DPYD: variants seen among roughly 807,000 people sequenced by gnomAD.
The protein encoded by DPYD is dihydropyrimidine dehydrogenase.
DPYD carries 109 observed loss-of-function variants against 116.2 expected under a neutral mutation model. That is an observed-to-expected ratio of 0.94 (90% CI 0.80 to 1.10). The LOEUF is 1.10. DPYD is among the 50% of genes least tolerant of loss of function. The pLI is 0.00. For synonymous variants in DPYD, 440 were observed against 432.0 expected (o/e 1.02, Z -0.23); for missense variants, 1,302 against 1,254.5 (o/e 1.04, Z -0.57).
At chr1:97,132,866 A>G (rs1346261037) in intron 20 of DPYD, among the ~76,000 whole-genome samples, 3 of 152,120 alleles carry the variant, frequency 2.0e-5, no homozygotes, top group African/African-American at 7.2e-5. Context: ...GTTAATTCAA[A>G]TACTTTAAAG....
chr1:97,242,146 AT>A (rs1662401628), intron 18 of DPYD, among the ~76,000 whole-genome samples: 1 of 130,848 alleles, frequency 7.6e-6, no homozygotes, highest in Non-Finnish European at 1.7e-5. Flanking sequence ...ATATATATAT[AT>A]ATATATATAT....
At chr1:97,870,036 T>C (rs1405402596) in intron 2 of DPYD, among the ~76,000 whole-genome samples, 1 of 151,902 alleles carries the variant, frequency 6.6e-6, no homozygotes, top group African/African-American at 2.4e-5. Flanking sequence ...ATAAATGTAG[T>C]ATATACAGTT....
intron 20 of DPYD, among the ~76,000 whole-genome samples, chr1:97,106,325 A>G (rs1178516944): frequency 1.3e-5 from 2 of 152,130 alleles, no homozygotes; most frequent in Non-Finnish European, 2.9e-5. Context: ...AGCTGGTAAA[A>G]CATTATTTGT....
chr1:97,316,292 C>T (rs1404464498), intron 16 of DPYD, among the ~76,000 whole-genome samples: 1 of 151,108 alleles, frequency 6.6e-6, no homozygotes, highest in Non-Finnish European at 1.5e-5. Flanking sequence ...GCGTTCAAGA[C>T]CACCCTGGCC....
chr1:97,488,606 G>A (rs531823610), intron 13 of DPYD, among the ~76,000 whole-genome samples: 2 of 152,268 alleles, frequency 1.3e-5, no homozygotes, highest in Middle Eastern at 3.4e-3. Flanking sequence ...TGAGGTAGGA[G>A]GCAGGACTCA....
At chr1:97,689,888 C>G (rs61789256) in intron 7 of DPYD, among the ~76,000 whole-genome samples, 9,626 of 152,098 alleles carry the variant, frequency 0.063, 443 homozygotes, top group Non-Finnish European at 0.083. Context: ...TTATTGTTTA[C>G]AAAGCAAATT....
chr1:97,224,439 C>T (rs1484103703), intron 19 of DPYD, among the ~76,000 whole-genome samples: 2 of 152,012 alleles, frequency 1.3e-5, no homozygotes, highest in African/African-American at 4.8e-5. Flanking sequence ...TACATATACA[C>T]ACTCAAATGA....
chr1:97,191,489 T>C (rs1658361027), intron 20 of DPYD, among the ~76,000 whole-genome samples: 1 of 152,172 alleles, frequency 6.6e-6, no homozygotes, highest in Non-Finnish European at 1.5e-5. Flanking sequence ...ACACTTACGA[T>C]TTTGATGAAA....
At chr1:97,580,842 A>T (rs1047775217) in intron 10 of DPYD, among the ~76,000 whole-genome samples, 9 of 152,104 alleles carry the variant, frequency 5.9e-5, no homozygotes, top group Admixed American at 5.9e-4. Context: ...CCTTACCTTG[A>T]TGTTTCCTTT....
chr1:97,332,100 C>T (rs932047593), intron 16 of DPYD, among the ~76,000 whole-genome samples: 11 of 152,052 alleles, frequency 7.2e-5, no homozygotes, highest in Non-Finnish European at 1.6e-4. Context: ...CTGAGAATTC[C>T]GTTGGTATTT....
At chr1:97,433,096 T>TC (rs1675274026) in intron 14 of DPYD, among the ~76,000 whole-genome samples, 1 of 152,120 alleles carries the variant, frequency 6.6e-6, no homozygotes, top group African/African-American at 2.4e-5. Context: ...CCTCTAGTCT[T>TC]CCAAAGAGCC....
At chr1:97,106,962 G>A (rs1651208149) in intron 20 of DPYD, among the ~76,000 whole-genome samples, 2 of 152,044 alleles carry the variant, frequency 1.3e-5, no homozygotes, top group African/African-American at 4.8e-5. Context: ...ATATATAAGA[G>A]GGAATCTAAT....
intron 2 of DPYD, among the ~76,000 whole-genome samples, chr1:97,877,211 G>A (rs904698880): frequency 6.6e-6 from 1 of 151,932 alleles, no homozygotes. Flanking sequence ...GGGATAGAAA[G>A]GGTTCTAATG....
At chr1:97,297,467 G>A (rs1666604175) in intron 18 of DPYD, among the ~76,000 whole-genome samples, 1 of 152,186 alleles carries the variant, frequency 6.6e-6, no homozygotes. Context: ...GTTTCAAGCA[G>A]CTTCCAGGAT....
At chr1:97,369,695 C>A (rs759857732) in intron 16 of DPYD, among the ~76,000 whole-genome samples, 2 of 152,218 alleles carry the variant, frequency 1.3e-5, no homozygotes, top group Non-Finnish European at 2.9e-5. Context: ...GCAACCAAAG[C>A]CGAATGATAT....
chr1:97,651,287 C>T (rs942145568), intron 8 of DPYD, among the ~76,000 whole-genome samples: 1 of 152,110 alleles, frequency 6.6e-6, no homozygotes, highest in Non-Finnish European at 1.5e-5. Context: ...TTCAGAACAG[C>T]ATTAAAAATC....
intron 18 of DPYD, among the ~76,000 whole-genome samples, chr1:97,272,148 C>T (rs644428): frequency 0.76 from 115,602 of 152,072 alleles, 44,960 homozygotes; most frequent in African/African-American, 0.93. Context: ...GTCTTGTTTA[C>T]TTTTTCTCTA....
chr1:97,752,787 G>C (rs1187442658), intron 3 of DPYD, among the ~76,000 whole-genome samples: 1 of 152,120 alleles, frequency 6.6e-6, no homozygotes, highest in Non-Finnish European at 1.5e-5. Context: ...CCTTATCAAA[G>C]CAATTATCAC....
chr1:97,582,568 C>T (rs1388070112), intron 10 of DPYD, among the ~76,000 whole-genome samples: 1 of 152,050 alleles, frequency 6.6e-6, no homozygotes, highest in Non-Finnish European at 1.5e-5. Flanking sequence ...AAATGCAGAA[C>T]AATTTTTATA....
Sources: allele counts gnomAD v4.1 joint callset (sites outside exome capture counted in the v4.1 genomes callset), GRCh38; gene constraint gnomAD v4.1.1; transcripts MANE v1.5; gene names NCBI Gene and HGNC (gene_info 2026-07-23, HGNC 2026-07-21).